The following PTPRG variants were observed in gnomAD, a reference collection of about 807,000 sequenced individuals.
PTPRG encodes the protein receptor-type tyrosine-protein phosphatase gamma.
A neutral mutation model predicts 165.3 loss-of-function variants in PTPRG; 102 were observed. The ratio of observed to expected loss-of-function variants is 0.62; its 90% CI spans 0.53 to 0.73. The LOEUF (loss-of-function observed/expected upper bound fraction) is 0.73. PTPRG is among the 30% of genes least tolerant of loss of function. The pLI is 0.00. For synonymous variants in PTPRG, 675 were observed against 669.5 expected (o/e 1.01, Z -0.13); for missense variants, 1,866 against 1,861.4 (o/e 1.00, Z -0.05).
intron 1 of PTPRG, among the ~76,000 whole-genome samples, chr3:61,648,440 C>T (rs1051818176): frequency 2.0e-5 from 3 of 152,212 alleles, no homozygotes; most frequent in African/African-American, 4.8e-5. Context: ...TACCAGGCTA[C>T]ACATTTTCAC....
intron 8 of PTPRG, among the ~76,000 whole-genome samples, chr3:62,187,368 C>G (rs890373930): frequency 4.6e-5 from 7 of 152,216 alleles, no homozygotes; most frequent in African/African-American, 1.7e-4. Context: ...CAGCACTGAT[C>G]CACGGGCCGA....
intron 2 of PTPRG, among the ~76,000 whole-genome samples, chr3:61,952,973 C>T (rs1270066295): frequency 3.9e-5 from 6 of 152,320 alleles, no homozygotes; most frequent in Non-Finnish European, 7.3e-5. Flanking sequence ...TGTATCACTC[C>T]TGTGTCAGTA....
intron 2 of PTPRG, 84 bp from the exon 3 acceptor site, chr3:61,989,541 T>C: frequency 7.6e-7 from 1 of 1,312,394 alleles, no homozygotes; most frequent in Non-Finnish European, 1.1e-6. Flanking sequence ...TGTTGAGAGA[T>C]GCAGTGCTCA....
chr3:62,284,630 T>G (rs1702569532), intron 28 of PTPRG, among the ~76,000 whole-genome samples: 1 of 152,144 alleles, frequency 6.6e-6, no homozygotes, highest in African/African-American at 2.4e-5. Flanking sequence ...CTTACCTACT[T>G]TCTGTACCTC....
At chr3:61,944,925 C>T (rs1006832788) in intron 2 of PTPRG, among the ~76,000 whole-genome samples, 29 of 152,192 alleles carry the variant, frequency 1.9e-4, no homozygotes, top group Non-Finnish European at 3.8e-4. Flanking sequence ...AGAGGTGTTT[C>T]GTAAGGTGCT....
chr3:61,670,780 C>T (rs970103901), intron 1 of PTPRG, among the ~76,000 whole-genome samples: 1 of 152,134 alleles, frequency 6.6e-6, no homozygotes, highest in Non-Finnish European at 1.5e-5. Context: ...AGTCTGCTGT[C>T]GTTTGAAATA....
chr3:61,854,195 CT>C (rs2037040476), intron 2 of PTPRG, among the ~76,000 whole-genome samples: 1 of 152,168 alleles, frequency 6.6e-6, no homozygotes, highest in South Asian at 2.1e-4. Flanking sequence ...GATGTACCCC[CT>C]GAATAGTTAC....
chr3:61,948,188 G>A (rs886234806), intron 2 of PTPRG, among the ~76,000 whole-genome samples: 31 of 152,146 alleles, frequency 2.0e-4, no homozygotes, highest in African/African-American at 7.5e-4. Flanking sequence ...AGCTGGGTGT[G>A]TTGGCACATG....
intron 1 of PTPRG, among the ~76,000 whole-genome samples, chr3:61,723,196 G>A (rs1433221506): frequency 2.0e-5 from 3 of 151,884 alleles, no homozygotes; most frequent in African/African-American, 7.3e-5. Flanking sequence ...ATAAACTTTT[G>A]TTTTATTTCC....
chr3:61,878,520 G>T (rs1412601272), intron 2 of PTPRG, among the ~76,000 whole-genome samples: 4 of 152,130 alleles, frequency 2.6e-5, no homozygotes, highest in Non-Finnish European at 5.9e-5. Flanking sequence ...GACAGGTAGG[G>T]TATCGCTCTG....
chr3:61,881,133 T>A (rs1920057), intron 2 of PTPRG, among the ~76,000 whole-genome samples: 63,693 of 151,766 alleles, frequency 0.42, 14,457 homozygotes, highest in East Asian at 0.62. Flanking sequence ...TAACATCATA[T>A]ACAAAGAACA....
At chr3:61,926,003 T>A in intron 2 of PTPRG, 1 of 457,774 alleles carries the variant, frequency 2.2e-6, no homozygotes, top group Admixed American at 2.3e-5. Flanking sequence ...CTTGTTAGAA[T>A]GGCAGAACCT....
At chr3:61,701,469 A>C (rs2030953511) in intron 1 of PTPRG, among the ~76,000 whole-genome samples, 1 of 152,204 alleles carries the variant, frequency 6.6e-6, no homozygotes, top group African/African-American at 2.4e-5. Flanking sequence ...TATAATAGTA[A>C]TATTTGAAAA....
intron 10 of PTPRG, 99 bp from the exon 11 acceptor site, chr3:62,201,406 T>G (rs758198313): frequency 1.0e-6 from 1 of 972,044 alleles, no homozygotes; most frequent in Admixed American, 2.6e-5. Flanking sequence ...TTTTGACATG[T>G]GAAAATTATA....
chr3:61,874,603 A>C (rs527676168), intron 2 of PTPRG, among the ~76,000 whole-genome samples: 8 of 152,182 alleles, frequency 5.3e-5, no homozygotes, highest in African/African-American at 1.9e-4. Flanking sequence ...ATTCCCAGCC[A>C]GGAATGGGTC....
intron 2 of PTPRG, among the ~76,000 whole-genome samples, chr3:61,787,799 C>A (rs573904431): frequency 2.0e-5 from 3 of 152,166 alleles, no homozygotes; most frequent in East Asian, 1.9e-4. Context: ...CCGTTTATTA[C>A]GGGAATTACC....
chr3:61,818,366 T>G (rs1260131846), intron 2 of PTPRG, among the ~76,000 whole-genome samples: 2 of 152,048 alleles, frequency 1.3e-5, no homozygotes, highest in African/African-American at 4.8e-5. Flanking sequence ...TGGCAGGATT[T>G]GGGAAAGAAG....
At chr3:61,657,826 A>C (rs1293135236) in intron 1 of PTPRG, among the ~76,000 whole-genome samples, 1 of 152,202 alleles carries the variant, frequency 6.6e-6, no homozygotes, top group Non-Finnish European at 1.5e-5. Context: ...AGTGCTGCGG[A>C]AGCTGGTTCT....
chr3:62,080,141 C>T (rs868088847), intron 5 of PTPRG, among the ~76,000 whole-genome samples: 59 of 148,700 alleles, frequency 4.0e-4, no homozygotes, highest in African/African-American at 1.5e-3. Context: ...TATCTCAGCT[C>T]ACCACAACCT....
Sources: allele counts gnomAD v4.1 joint callset (sites outside exome capture counted in the v4.1 genomes callset), GRCh38; gene constraint gnomAD v4.1.1; transcripts MANE v1.5; gene names NCBI Gene and HGNC (gene_info 2026-07-23, HGNC 2026-07-21).